The following POTEJ variants were observed in gnomAD, a reference collection of about 807,000 sequenced individuals.
The protein encoded by POTEJ is POTE ankyrin domain family member J.
A neutral mutation model predicts 69.0 loss-of-function variants in POTEJ; 11 were observed. The ratio of observed to expected loss-of-function variants is 0.16; its 90% CI spans 0.10 to 0.26. The LOEUF (loss-of-function observed/expected upper bound fraction) is 0.26. POTEJ is among the 10% of genes least tolerant of loss of function. POTEJ has a pLI of 1.00. For synonymous variants in POTEJ, 117 were observed against 381.1 expected (o/e 0.31, Z 8.07); for missense variants, 327 against 1,045.5 (o/e 0.31, Z 9.48).
chr2:130,631,144 T>A (rs558571723), intron 7 of POTEJ, among the ~76,000 whole-genome samples: 1 of 148,874 alleles, frequency 6.7e-6, no homozygotes, highest in South Asian at 2.1e-4. Context: ...ACGTTTTTTT[T>A]CTTCCTTGGG....
chr2:130,611,680 G>A lies in POTEJ; in HGVS notation c.148G>A (p.Asp50Asn), dbSNP rs1367942374. The A allele has an allele frequency of 1.5e-6, 2 of 1,329,162 alleles. No homozygotes were observed. Among genetic ancestry groups the A allele is most frequent in the Admixed American group, 2.0e-5 (1 of 48,968 alleles). 82.3% of individuals were successfully genotyped at this position (1,329,162 alleles called of 1,614,324 possible). ...KSNVGTSGDQDDSTMKTLRSK... is the reference protein window; with the variant it reads ...KSNVGTSGDQNDSTMKTLRSK... The stretch of plus-strand genomic sequence containing the variant: ...CAACGTGGGCACTTCTGGAGACCAG[G>A]ACGACTCCACTATGAAGACACTCAG... The change falls in exon 1 of 15, where the codon GAC becomes AAC. Residue 50 changes from aspartate to asparagine, a missense_variant. Coordinates refer to ENST00000409602, the MANE Select transcript of POTEJ (RefSeq NM_001277083.2).
chr2:130,625,375 C>T (rs1462065044), intron 6 of POTEJ, among the ~76,000 whole-genome samples: 2 of 151,918 alleles, frequency 1.3e-5, no homozygotes, highest in African/African-American at 4.9e-5. Context: ...CAGACAGGAG[C>T]TTTTTGTTAT....
At chr2:130,639,426 T>C in intron 10 of POTEJ, among the ~76,000 whole-genome samples, 1 of 152,310 alleles carries the variant, frequency 6.6e-6, no homozygotes, top group Non-Finnish European at 1.5e-5. Flanking sequence ...GAACAAGATG[T>C]GTTCTTCCAC....
In POTEJ at chr2:130,656,067, A is replaced by T. The variant is rs1189689072; in HGVS notation, c.1789-482A>T. ...AAAATGTTCTTCAGTAAAAGAACTT[A>T]AAGAACTTTGAGAAATTCCTTCTGT... On this transcript the variant is annotated intron_variant, in intron 14 of 14. Transcript: ENST00000409602. Among the ~76,000 whole-genome samples the T allele has an allele frequency of 2.1e-3, 298 of 140,106 alleles. 1 individual carries two copies. The South Asian group carries it at 0.029, about 14-fold the overall frequency. The allele number at this position is 140,106 out of a possible 152,430, so 91.9% of individuals were successfully genotyped here.
At position 130,657,456 on chromosome 2, in the gene POTEJ, T is replaced by A. The variant is rs1241554079; in HGVS notation, c.2696T>A (p.Leu899Gln). The stretch of plus-strand genomic sequence containing the variant: ...GCCATGGTGGCCTCCAGCTCCTCCC[T>A]AGAGAAGAGCTACGAGCTGCCCGAT... Reference protein sequence around the residue: ...EMAMVASSSSLEKSYELPDGQ... With the variant: ...EMAMVASSSSQEKSYELPDGQ... Residue 899 changes from leucine (L) to glutamine (Q), a missense_variant, in exon 15 of 15, where the codon CTA becomes CAA. By Grantham distance (113) the Leu-to-Gln change is moderately radical. Transcript: ENST00000409602. 1.3e-6 allele frequency: 2 copies of A among 1,590,530 alleles called. No homozygotes were observed. The highest frequency in any genetic ancestry group is 1.7e-6 in the Non-Finnish European group (2 of 1,164,140).
At chr2:130,623,829 T>A (rs1346338801) in intron 5 of POTEJ, among the ~76,000 whole-genome samples, 4 of 131,792 alleles carry the variant, frequency 3.0e-5, no homozygotes, top group Admixed American at 1.5e-4. Context: ...TAATGCTAGC[T>A]AATTTACTGG....
intron 9 of POTEJ, among the ~76,000 whole-genome samples, chr2:130,637,715 G>A (rs374646822): frequency 4.9e-3 from 742 of 152,286 alleles, no homozygotes; most frequent in East Asian, 1.5e-3. Context: ...ATGCCAACTT[G>A]CAACTTCTTC....
At chr2:130,636,504 A>G (rs1385138662) in intron 9 of POTEJ, among the ~76,000 whole-genome samples, 1 of 146,186 alleles carries the variant, frequency 6.8e-6, no homozygotes, top group Non-Finnish European at 1.5e-5. Flanking sequence ...CTTTCTCAGC[A>G]GAGACTCTTC....
intron 10 of POTEJ, among the ~76,000 whole-genome samples, chr2:130,642,005 C>T (rs1292759068): frequency 2.0e-5 from 3 of 151,868 alleles, no homozygotes; most frequent in Non-Finnish European, 2.9e-5. Flanking sequence ...GTCACAGCTG[C>T]CAGAAAAGAA....
intron 11 of POTEJ, among the ~76,000 whole-genome samples, chr2:130,644,567 T>C (rs1430881667): frequency 2.0e-5 from 3 of 152,228 alleles, no homozygotes; most frequent in South Asian, 2.1e-4. Context: ...TAATTTAATA[T>C]TTGATATTTA....
At chr2:130,619,760 T>TA (rs1408793736) in intron 3 of POTEJ, among the ~76,000 whole-genome samples, 1 of 149,050 alleles carries the variant, frequency 6.7e-6, no homozygotes, top group Non-Finnish European at 1.5e-5. Flanking sequence ...TATCATCCAA[T>TA]AACACCATGC....
At chr2:130,655,526 A>T (rs1476003234) in intron 14 of POTEJ, among the ~76,000 whole-genome samples, 1 of 152,250 alleles carries the variant, frequency 6.6e-6, no homozygotes, top group Non-Finnish European at 1.5e-5. Flanking sequence ...CAATGTAAAG[A>T]GGTTTGAAAA....
intron 6 of POTEJ, among the ~76,000 whole-genome samples, chr2:130,626,929 A>T (rs1685731862): frequency 6.6e-6 from 1 of 152,166 alleles, no homozygotes; most frequent in Admixed American, 6.5e-5. Context: ...AATAAAAGCC[A>T]TTTTGTAAAT....
intron 10 of POTEJ, among the ~76,000 whole-genome samples, chr2:130,643,070 G>T (rs1686450752): frequency 6.8e-6 from 1 of 147,948 alleles, no homozygotes; most frequent in Non-Finnish European, 1.5e-5. Flanking sequence ...CTCCCCTGCA[G>T]TCTTGGAGCA....
intron 9 of POTEJ, among the ~76,000 whole-genome samples, chr2:130,638,125 G>T (rs531242181): frequency 4.0e-5 from 6 of 149,600 alleles, no homozygotes. Context: ...TTTTATTTGG[G>T]ATTCCAAGAT....
In POTEJ at chr2:130,657,567, G is replaced by T; in HGVS notation, c.2807G>T (p.Gly936Val). 1.3e-6 allele frequency: 2 copies of T among 1,555,920 alleles called. No individual in the cohort carries two copies. Among genetic ancestry groups the T allele is most frequent in the Non-Finnish European group, 1.7e-6 (2 of 1,143,726 alleles). The change falls in exon 15 of 15, where the codon GGC becomes GTC. Residue 936 changes from glycine to valine, a missense_variant. Physicochemically the swap from Gly to Val is moderately radical, Grantham distance 109 (BLOSUM62 -3). Coordinates refer to ENST00000409602, the MANE Select transcript of POTEJ (RefSeq NM_001277083.2). ...QPCFLGMESC[G>V]IHETTFNSIM... ...TGCTTCCTGGGCATGGAATCCTGTGGCATCCATGAAACTACCTTCAACTCC... is the reference window on the plus strand; with the variant it reads ...TGCTTCCTGGGCATGGAATCCTGTGTCATCCATGAAACTACCTTCAACTCC...
chr2:130,657,564 G>A lies in POTEJ; in HGVS notation c.2804G>A (p.Cys935Tyr), dbSNP rs1362585596. 1.9e-6 allele frequency: 3 copies of A among 1,557,454 alleles called. No homozygotes were observed. The highest frequency in any genetic ancestry group is 1.1e-5 in the South Asian group (1 of 90,084). The change falls in exon 15 of 15, where the codon TGT becomes TAT. Residue 935 changes from cysteine to tyrosine, a missense_variant. Coordinates refer to ENST00000409602, the MANE Select transcript of POTEJ (RefSeq NM_001277083.2). Reference protein sequence around the residue: ...FQPCFLGMESCGIHETTFNSI... With the variant: ...FQPCFLGMESYGIHETTFNSI... ...CCTTGCTTCCTGGGCATGGAATCCT[G>A]TGGCATCCATGAAACTACCTTCAAC...
chr2:130,656,279 TTCA>T (rs1235192568), intron 14 of POTEJ, among the ~76,000 whole-genome samples: 1 of 145,590 alleles, frequency 6.9e-6, no homozygotes, highest in Non-Finnish European at 1.5e-5. Context: ...TGATTTATTT[TTCA>T]TCGTCTTTAA....
At chr2:130,642,230 C>T (rs867385805) in intron 10 of POTEJ, among the ~76,000 whole-genome samples, 3,083 of 128,090 alleles carry the variant, frequency 0.024, no homozygotes, top group African/African-American at 0.094. Flanking sequence ...TAGTATTTAA[C>T]GTAAACTTGA....
Sources: allele counts gnomAD v4.1 joint callset (sites outside exome capture counted in the v4.1 genomes callset), GRCh38; gene constraint gnomAD v4.1.1; transcripts MANE v1.5; gene names NCBI Gene and HGNC (gene_info 2026-07-23, HGNC 2026-07-21).